The following ZNF329 variants were observed in gnomAD, a reference collection of about 807,000 sequenced individuals.
The protein encoded by ZNF329 is zinc finger protein 329.
ZNF329 carries 15 observed loss-of-function variants against 26.6 expected under a neutral mutation model. The ratio of observed to expected loss-of-function variants is 0.56; its 90% CI spans 0.38 to 0.87. The LOEUF is 0.87. Ranked by LOEUF, ZNF329 falls within the 40% of genes least tolerant of loss-of-function variation. The probability of loss-of-function intolerance (pLI) is 0.00; values close to 1 mark genes in which losing one functional copy is unlikely to be tolerated. For synonymous variants in ZNF329, 239 were observed against 233.5 expected, an observed-to-expected ratio of 1.02 and a Z score of -0.21; for missense variants, 651 against 651.9, an observed-to-expected ratio of 1.00 and a Z score of 0.02.
intron 1 of ZNF329, among the ~76,000 whole-genome samples, chr19:58,144,170 T>C (rs932506731): frequency 2.6e-5 from 4 of 151,986 alleles, no homozygotes; most frequent in South Asian, 2.1e-4. Context: ...TTTGTTGTTG[T>C]TATTTTTTAT....
At chr19:58,143,068 T>C (rs1298544251) in intron 2 of ZNF329, 37 bp downstream of exon 2, 1 of 152,276 alleles carries the variant, frequency 6.6e-6, no homozygotes, top group Non-Finnish European at 1.5e-5. Flanking sequence ...TTAGACAATG[T>C]AGTGAAATGC....
intron 3 of ZNF329, among the ~76,000 whole-genome samples, chr19:58,134,931 A>G (rs1446071179): frequency 6.6e-6 from 1 of 152,114 alleles, no homozygotes; most frequent in Non-Finnish European, 1.5e-5. Context: ...GCAAAACTCC[A>G]TCTCAAAAAA....
chr19:58,130,673 C>CA (rs11394563), intron 3 of ZNF329, among the ~76,000 whole-genome samples: 43,347 of 87,796 alleles, frequency 0.49, 9,803 homozygotes, highest in East Asian at 0.56. Flanking sequence ...GACTCCGTCT[C>CA]AAAAAAAAAA....
At chr19:58,135,276 AT>A (rs1175383982) in intron 3 of ZNF329, among the ~76,000 whole-genome samples, 5 of 147,712 alleles carry the variant, frequency 3.4e-5, no homozygotes, top group Admixed American at 6.8e-5. Flanking sequence ...TATCTATTTA[AT>A]TTTTTTTTTT....
chr19:58,152,531 A>G (rs920683967), upstream of ZNF329, among the ~76,000 whole-genome samples: 2 of 152,106 alleles, frequency 1.3e-5, no homozygotes, highest in Admixed American at 1.3e-4. Context: ...CTTAAAGATC[A>G]TATGGAGAAA....
At position 58,129,017 on chromosome 19, in the gene ZNF329, C is replaced by T. The variant is rs770407361; in HGVS notation, c.487G>A (p.Gly163Ser). 39 of 1,613,372 alleles carry T rather than the reference C, an allele frequency of 2.4e-5. No homozygotes were observed. The highest frequency in any genetic ancestry group is 1.3e-4 in the East Asian group (6 of 44,878). Reference protein sequence around the residue: ...VKSFNHFTSLGHQKIMKRGKK... With the variant: ...VKSFNHFTSLSHQKIMKRGKK... ...CCTCTTTTCATTATTTTCTGATGAC[C>T]AAGAGAGGTAAAATGATTAAAAGAC... is the stretch of plus-strand genomic sequence containing the variant. The change falls in exon 4 of 4, where the codon GGT becomes AGT. Residue 163 changes from glycine (G) to serine (S), a missense_variant. Gly to Ser is a moderately conservative substitution (Grantham distance 56). Coordinates refer to ENST00000598312, the MANE Select transcript of ZNF329 (RefSeq NM_024620.4).
upstream of ZNF329, among the ~76,000 whole-genome samples, chr19:58,154,169 C>T (rs2075504713): frequency 6.6e-6 from 1 of 152,066 alleles, no homozygotes; most frequent in Non-Finnish European, 1.5e-5. Flanking sequence ...CCACCACGCG[C>T]GGCTAATTTT....
At chr19:58,131,111 A>ATATGTG (rs1480205883) in intron 3 of ZNF329, among the ~76,000 whole-genome samples, 3 of 147,630 alleles carry the variant, frequency 2.0e-5, no homozygotes, top group African/African-American at 7.4e-5. Flanking sequence ...ATACATGTAT[A>ATATGTG]TGTGTATATG....
intron 3 of ZNF329, among the ~76,000 whole-genome samples, chr19:58,133,663 A>T (rs1195536020): frequency 6.6e-6 from 1 of 152,088 alleles, no homozygotes; most frequent in African/African-American, 2.4e-5. Flanking sequence ...CTTCAAAAAA[A>T]CCCCAAGAAC....
chr19:58,145,314 CTTTTTTT>C (rs71188087), intron 1 of ZNF329, among the ~76,000 whole-genome samples: 1,468 of 106,184 alleles, frequency 0.014, 14 homozygotes, highest in Non-Finnish European at 0.019. Context: ...TTTTTTCTTC[CTTTTTTT>C]TTTTTTTTTT....
chr19:58,142,594 T>G lies in ZNF329; in HGVS notation c.-46A>C, dbSNP rs1220012934. The G allele has an allele frequency of 1.3e-5, 2 of 152,654 alleles. No homozygotes were observed. The highest frequency in any genetic ancestry group is 6.5e-5 in the Admixed American group (1 of 15,268). The allele number at this position is 152,654 out of a possible 1,614,324, so 9.5% of individuals were successfully genotyped here. ...GAGGGATCCATTCAGGCCAGGTGTG[T>G]GGATACTTGACATCGATGGTTGCTG... On this transcript the variant is annotated 5_prime_UTR_variant, in exon 3 of 4. Transcript: ENST00000598312.
rs139281366 is a variant in ZNF329 at position 58,150,045 on chromosome 19, T to C, written c.-208+707A>G. Reference sequence around the variant, plus strand: ...AGCAGACGTTAACCGGGTCGTTCACTGCACAAGTCTTTCAGCTTCTCTATC... The same window carrying C: ...AGCAGACGTTAACCGGGTCGTTCACCGCACAAGTCTTTCAGCTTCTCTATC... On this transcript the variant is annotated intron_variant, in intron 1 of 3. Coordinates refer to ENST00000598312, the MANE Select transcript of ZNF329 (RefSeq NM_024620.4). Among the ~76,000 whole-genome samples, 103 of 152,340 alleles carry C rather than the reference T, an allele frequency of 6.8e-4. 1 individual carries two copies. The highest frequency in any genetic ancestry group is 2.9e-3 in the South Asian group (14 of 4,822).
upstream of ZNF329, among the ~76,000 whole-genome samples, chr19:58,153,938 A>G (rs1261018931): frequency 6.6e-6 from 1 of 151,172 alleles, no homozygotes; most frequent in African/African-American, 2.4e-5. Context: ...CCAGGGCTCA[A>G]GTAATCCTCA....
intron 1 of ZNF329, among the ~76,000 whole-genome samples, chr19:58,149,509 G>T (rs2075401489): frequency 6.6e-6 from 1 of 152,118 alleles, no homozygotes; most frequent in Non-Finnish European, 1.5e-5. Flanking sequence ...AATAATTTTA[G>T]AATCTGGATG....
chr19:58,154,095 G>T (rs910809681), upstream of ZNF329, among the ~76,000 whole-genome samples: 1 of 151,530 alleles, frequency 6.6e-6, no homozygotes, highest in East Asian at 1.9e-4. Context: ...TCCAAACTCT[G>T]CATCCCCGGT....
rs552032135 is a variant in ZNF329, at chr19:58,127,915, T to C, written c.1589A>G (p.Gln530Arg). Residue 530 changes from glutamine to arginine, a missense_variant, in exon 4 of 4, where the codon CAA (glutamine) becomes CGA (arginine). Gln to Arg is a conservative substitution (Grantham distance 43). Coordinates refer to ENST00000598312, the MANE Select transcript of ZNF329 (RefSeq NM_024620.4). ...GGGTTGCTCTCCCAGGTGTGCTCTT[T>C]GATGTCGAACAAGGGATGAGCTCTT... is the stretch of plus-strand genomic sequence containing the variant. Reference protein sequence around the residue: ...FQKSSSLVRHQRAHLGEQPME... With the variant: ...FQKSSSLVRHRRAHLGEQPME... 2.5e-6 allele frequency: 4 copies of C among 1,608,688 alleles called. No individual in the cohort carries two copies. The East Asian group carries it at 8.9e-5, about 36-fold the overall frequency.
At chr19:58,150,263 G>C (rs2075419158) in intron 1 of ZNF329, among the ~76,000 whole-genome samples, 1 of 152,190 alleles carries the variant, frequency 6.6e-6, no homozygotes, top group South Asian at 2.1e-4. Flanking sequence ...TAACACCTTC[G>C]AGACTCAAGG....
chr19:58,149,224 C>T (rs762293913), intron 1 of ZNF329, among the ~76,000 whole-genome samples: 1 of 152,174 alleles, frequency 6.6e-6, no homozygotes, highest in Non-Finnish European at 1.5e-5. Flanking sequence ...GAATAATCCA[C>T]CCCTTGTTTA....
intron 2 of ZNF329, among the ~76,000 whole-genome samples, 178 bp from the exon 3 acceptor site, chr19:58,142,839 C>T (rs796274538): frequency 2.2e-4 from 34 of 152,334 alleles, no homozygotes; most frequent in African/African-American, 7.7e-4. Context: ...ACCCCTTTCT[C>T]CTTCTCCCTC....
Sources: allele counts gnomAD v4.1 joint callset (sites outside exome capture counted in the v4.1 genomes callset), GRCh38; gene constraint gnomAD v4.1.1; transcripts MANE v1.5; gene names NCBI Gene and HGNC (gene_info 2026-07-23, HGNC 2026-07-21).